CDC20B: variants seen among roughly 807,000 people sequenced by gnomAD.
The protein encoded by CDC20B is cell division cycle protein 20 homolog B.
A neutral mutation model predicts 64.1 loss-of-function variants in CDC20B; 58 were observed. The observed-to-expected ratio is 0.90, with a 90% CI of 0.73 to 1.13. The LOEUF (loss-of-function observed/expected upper bound fraction) is 1.13, where lower values mean the gene tolerates loss of function less well. Ranked by LOEUF, CDC20B falls within the 50% of genes most tolerant of loss-of-function variation. The probability of loss-of-function intolerance (pLI) is 0.00; values close to 1 mark genes in which losing one functional copy is unlikely to be tolerated. For synonymous variants in CDC20B, 243 were observed against 230.6 expected (o/e 1.05, Z -0.49); for missense variants, 597 against 633.0 (o/e 0.94, Z 0.61).
Position 55,146,829 on chromosome 5 carries a change from A to G in CDC20B, c.154T>C (p.Ser52Pro), listed in dbSNP as rs759353490. ...NVLDSVNATY[S>P]DFKSNFAKRL... ...TTCGCAAAGTTGCTCTTAAAGTCAG[A>G]ATACGTAGCATTAACTGAATCGAGT... The change falls in exon 3 of 12, where the codon TCT (serine) becomes CCT (proline). Residue 52 changes from serine (S) to proline (P), a missense_variant. Ser to Pro is a moderately conservative substitution (Grantham distance 74, BLOSUM62 -1). This residue lies in a region of CDC20B where 241 missense variants were observed against 219.2 expected (regional missense o/e 1.10). Transcript: ENST00000381375. 2 of 1,614,176 alleles carry G rather than the reference A, an allele frequency of 1.2e-6. No homozygotes were observed. The highest frequency in any genetic ancestry group is 3.3e-5 in the Admixed American group (2 of 60,016).
intron 9 of CDC20B, among the ~76,000 whole-genome samples, chr5:55,122,273 CTTT>C (rs34776567): frequency 1.4e-5 from 2 of 146,826 alleles, no homozygotes; most frequent in African/African-American, 5.0e-5. Flanking sequence ...AGTCTTTTCT[CTTT>C]TTTTTTTTTT....
chr5:55,152,906 G>A (rs1206640067), intron 2 of CDC20B, among the ~76,000 whole-genome samples: 1 of 152,066 alleles, frequency 6.6e-6, no homozygotes, highest in Admixed American at 6.6e-5. Context: ...GAATCCAGAG[G>A]CAAGGAAATA....
At chr5:55,159,019 CTCT>C (rs765803355) in intron 2 of CDC20B, among the ~76,000 whole-genome samples, 33 of 151,774 alleles carry the variant, frequency 2.2e-4, no homozygotes, top group Admixed American at 1.1e-3. Context: ...GCTTTTTTCC[CTCT>C]TCTTCTTTTG....
At chr5:55,152,430 G>C (rs1743693024) in intron 2 of CDC20B, among the ~76,000 whole-genome samples, 1 of 152,198 alleles carries the variant, frequency 6.6e-6, no homozygotes, top group Non-Finnish European at 1.5e-5. Flanking sequence ...GAATCGGAGG[G>C]AGTGTCTATT....
rs1477228009 is a variant in CDC20B at position 55,127,320 on chromosome 5, C to T, written c.926G>A (p.Arg309Lys). Residue 309 changes from arginine to lysine, a missense_variant, in exon 8 of 12, where the codon AGA (arginine) becomes AAA (lysine). Around this residue, in one of 3 missense-constraint regions of CDC20B, gnomAD observed 353 missense variants for 397.0 expected, o/e 0.89. Coordinates refer to ENST00000381375, the MANE Select transcript of CDC20B (RefSeq NM_001170402.1). Reference sequence around the variant, plus strand: ...TACTGACAAATGACCAAGCATATTTCTCAGCCGCTTTTTAGTTACCACATC... The same window carrying T: ...TACTGACAAATGACCAAGCATATTTTTCAGCCGCTTTTTAGTTACCACATC... ...LWDVVTKKRL[R>K]NMLGHLSVVG... 1.2e-6 allele frequency: 2 copies of T among 1,614,126 alleles called. No individual in the cohort carries two copies.
Position 55,114,374 on chromosome 5 carries a change from C to G in CDC20B, c.1460-56G>C. On this transcript the variant is annotated intron_variant, in intron 11 of 11. Coordinates refer to ENST00000381375, the MANE Select transcript of CDC20B (RefSeq NM_001170402.1). This position sits in a 1 kb window ranked among gnomAD's most constrained non-coding sequence, Gnocchi z 4.1. ...CCTCCACGTTACATGGGCTGCTGCT[C>G]AGGACTGTAGGCAATGTAAGTTGGG... 1 of 1,594,436 alleles carries G rather than the reference C, an allele frequency of 6.3e-7. No individual in the cohort carries two copies. The highest frequency in any genetic ancestry group is 1.1e-5 in the South Asian group (1 of 87,766).
chr5:55,171,191 TA>T (rs375116100), intron 2 of CDC20B, among the ~76,000 whole-genome samples: 138 of 152,254 alleles, frequency 9.1e-4, no homozygotes, highest in African/African-American at 3.1e-3. Flanking sequence ...GTGCTGCCTG[TA>T]ATCCCAGCTA....
intron 2 of CDC20B, among the ~76,000 whole-genome samples, chr5:55,171,503 G>A (rs560357340): frequency 2.8e-4 from 42 of 152,116 alleles, no homozygotes; most frequent in African/African-American, 8.9e-4. Flanking sequence ...GAAATGTAAG[G>A]GCTTAAATGC....
At chr5:55,137,431 T>C in intron 5 of CDC20B, 1 of 414,094 alleles carries the variant, frequency 2.4e-6, no homozygotes, top group East Asian at 7.1e-5. Context: ...AATTGCTTTA[T>C]ATACACAGCA....
intron 9 of CDC20B, among the ~76,000 whole-genome samples, chr5:55,121,792 T>C (rs1375278492): frequency 6.6e-6 from 1 of 152,214 alleles, no homozygotes; most frequent in Non-Finnish European, 1.5e-5. Flanking sequence ...ATAAGGGTAA[T>C]TTATTTTCTT....
chr5:55,139,976 A>C (rs1743286534), intron 5 of CDC20B, among the ~76,000 whole-genome samples: 1 of 152,162 alleles, frequency 6.6e-6, no homozygotes, highest in Non-Finnish European at 1.5e-5. Flanking sequence ...GCAGTGAGCC[A>C]AGATCGCACC....
At chr5:55,119,534 C>T (rs1742706313) in intron 11 of CDC20B, among the ~76,000 whole-genome samples, 1 of 152,108 alleles carries the variant, frequency 6.6e-6, no homozygotes, top group South Asian at 2.1e-4. Context: ...AACTCGAGTT[C>T]AAAAACTGCC....
At chr5:55,139,707 C>T (rs417992) in intron 5 of CDC20B, among the ~76,000 whole-genome samples, 29,138 of 151,888 alleles carry the variant, frequency 0.19, 2,902 homozygotes, top group South Asian at 0.3. Context: ...ATAAGCATGT[C>T]GAGAAACTGA....
At chr5:55,118,892 G>A (rs1742688049) in intron 11 of CDC20B, among the ~76,000 whole-genome samples, 2 of 152,156 alleles carry the variant, frequency 1.3e-5, no homozygotes, top group South Asian at 4.1e-4. Context: ...GAGAGTCATG[G>A]TATTATCACT....
At position 55,173,112 on chromosome 5, in the gene CDC20B, C is replaced by G; in HGVS notation, c.-112G>C. ...CCTAATCGTCAAACCCCTGGAGTCC[C>G]GTCCCCCAGGACCATTCTATTTCAC... On this transcript the variant is annotated 5_prime_UTR_variant, in exon 1 of 12. Transcript: ENST00000381375. 1.1e-6 allele frequency: 1 copy of G among 870,938 alleles called. No individual in the cohort carries two copies. 54.0% of individuals were successfully genotyped at this position (870,938 alleles called of 1,614,324 possible).
In CDC20B at chr5:55,120,515, A is replaced by G. The variant is rs1453054404; in HGVS notation, c.1251T>C (p.Leu417=). The G allele has an allele frequency of 6.2e-7, 1 of 1,613,760 alleles. No individual in the cohort carries two copies. Among genetic ancestry groups the G allele is most frequent in the Admixed American group, 1.7e-5 (1 of 60,000 alleles). ...MDWCPWQSGV[L]AIGGGMKDGR... ...CATCCTTCATTCCTCCTCCAATGGC[A>G]AGGACCCCAGACTGCCAGGGACACC... Residue 417 remains leucine, a synonymous_variant, in exon 10 of 12, where the codon CTT becomes CTC. Coordinates refer to ENST00000381375, the MANE Select transcript of CDC20B (RefSeq NM_001170402.1).
At chr5:55,143,414 G>T (rs930002394) in intron 4 of CDC20B, 99 bp downstream of exon 4, 10 of 1,214,374 alleles carry the variant, frequency 8.2e-6, no homozygotes, top group South Asian at 2.2e-5. Context: ...TTTTCTTATT[G>T]ATTGGTAAGA....
chr5:55,165,414 A>T (rs1464079144), intron 2 of CDC20B: 1 of 152,248 alleles, frequency 6.6e-6, no homozygotes, highest in East Asian at 1.9e-4. Flanking sequence ...AATGTAAAAA[A>T]GTCGTATAAA....
rs758714878 is a variant in CDC20B at position 55,114,321 on chromosome 5, G to C, written c.1460-3C>G. ...GTGCAGCACTCTGCCCCTGTGGCCT[G>C]GGGGAAGAAGGAAAGACAGTTCATA... is the stretch of plus-strand genomic sequence containing the variant. On this transcript the variant is annotated splice_polypyrimidine_tract_variant and splice_region_variant and intron_variant, in intron 11 of 11. Coordinates refer to ENST00000381375, the MANE Select transcript of CDC20B (RefSeq NM_001170402.1). The surrounding 1 kb of genome is among the most constrained non-coding windows in gnomAD (Gnocchi z 4.1). 14 of 1,611,726 alleles carry C rather than the reference G, an allele frequency of 8.7e-6. No individual in the cohort carries two copies. The highest frequency in any genetic ancestry group is 1.6e-4 in the Middle Eastern group (1 of 6,076).
Sources: gnomAD v4.1 joint callset for allele counts (sites outside exome capture counted in the v4.1 genomes callset) on GRCh38, gnomAD v4.1.1 for gene constraint, gnomAD v4.1.1 regional missense constraint, Gnocchi (gnomAD v3.1) non-coding constraint, MANE v1.5 for transcripts, NCBI Gene and HGNC (gene_info 2026-07-23, HGNC 2026-07-21) for gene names.